The following RABGAP1L variants were observed in gnomAD, a reference collection of about 807,000 sequenced individuals.
The protein encoded by RABGAP1L is rab GTPase-activating protein 1-like.
A neutral mutation model predicts 137.7 loss-of-function variants in RABGAP1L; 63 were observed. The observed-to-expected ratio is 0.46, with a 90% CI of 0.37 to 0.56. The LOEUF is 0.56. Ranked by LOEUF, RABGAP1L falls within the 20% of genes least tolerant of loss-of-function variation. The pLI is 0.00. For synonymous variants in RABGAP1L, 431 were observed against 433.7 expected (o/e 0.99, Z 0.08); for missense variants, 1,095 against 1,244.0 (o/e 0.88, Z 1.80).
chr1:174,484,787 G>C (rs963147645), intron 13 of RABGAP1L, among the ~76,000 whole-genome samples: 1 of 152,114 alleles, frequency 6.6e-6, no homozygotes, highest in African/African-American at 2.4e-5. Context: ...TCAGTAATGT[G>C]ATTCTTCCAG....
intron 9 of RABGAP1L, among the ~76,000 whole-genome samples, chr1:174,278,155 C>T (rs994223285): frequency 4.8e-4 from 73 of 152,292 alleles, no homozygotes; most frequent in African/African-American, 1.7e-3. Context: ...GTAATCCCAG[C>T]ACTTTGGGAG....
At chr1:174,177,566 C>G (rs1165045469) in intron 1 of RABGAP1L, among the ~76,000 whole-genome samples, 1 of 152,144 alleles carries the variant, frequency 6.6e-6, no homozygotes, top group Non-Finnish European at 1.5e-5. Flanking sequence ...ATGCCTATGT[C>G]CTGAATGGCA....
chr1:174,545,460 G>A (rs752637207), intron 13 of RABGAP1L: 3 of 152,396 alleles, frequency 2.0e-5, no homozygotes, highest in Non-Finnish European at 4.4e-5. Flanking sequence ...GAAAAGCGCA[G>A]TATTAGGGTG....
At chr1:174,351,412 C>CTT in intron 11 of RABGAP1L, among the ~76,000 whole-genome samples, 2 of 152,094 alleles carry the variant, frequency 1.3e-5, no homozygotes, top group Non-Finnish European at 2.9e-5. Flanking sequence ...TTTATTTCTG[C>CTT]TTCATGTTGG....
chr1:174,376,090 T>A (rs1315409531), intron 12 of RABGAP1L, among the ~76,000 whole-genome samples: 6 of 133,100 alleles, frequency 4.5e-5, no homozygotes, highest in African/African-American at 1.4e-4. Flanking sequence ...TAAAGTAAAG[T>A]AAAGAAAAGG....
At chr1:174,747,068 G>A (rs1683931713) in intron 17 of RABGAP1L, among the ~76,000 whole-genome samples, 1 of 152,082 alleles carries the variant, frequency 6.6e-6, no homozygotes, top group African/African-American at 2.4e-5. Context: ...TCCTAAAAAT[G>A]GGAGGCATCT....
At chr1:174,754,562 C>T (rs574755941) in intron 18 of RABGAP1L, among the ~76,000 whole-genome samples, 3 of 151,808 alleles carry the variant, frequency 2.0e-5, no homozygotes, top group Admixed American at 6.6e-5. Context: ...AGTATAGTGG[C>T]GTGGTGATAG....
At chr1:174,342,851 T>G (rs1464086528) in intron 11 of RABGAP1L, among the ~76,000 whole-genome samples, 1 of 150,294 alleles carries the variant, frequency 6.7e-6, no homozygotes, top group East Asian at 2.0e-4. Context: ...TGATTCTCCT[T>G]CCTCAGCCTC....
chr1:174,393,634 T>C (rs1016866339), intron 12 of RABGAP1L, among the ~76,000 whole-genome samples: 3 of 152,216 alleles, frequency 2.0e-5, no homozygotes, highest in African/African-American at 7.2e-5. Flanking sequence ...CAGCTTGCTG[T>C]ACATTCATTT....
In RABGAP1L at chr1:174,241,526, A is replaced by G. The variant is rs776198500; in HGVS notation, c.586A>G (p.Ile196Val). The change falls in exon 5 of 26, where the codon ATC becomes GTC. Residue 196 changes from isoleucine (I) to valine (V), a missense_variant. Around this residue, in one of 4 missense-constraint regions of RABGAP1L, gnomAD observed 356 missense variants for 326.3 expected, o/e 1.09. Coordinates refer to ENST00000681986, the MANE Select transcript of RABGAP1L (RefSeq NM_001366446.1). ...CAATGTGGAGATAGCATCTTTTCCA[A>G]TCTATAAGGTGTTATTCTGTGCACG... ...SSNVEIASFP[I>V]YKVLFCARGH... 6.2e-6 allele frequency: 10 copies of G among 1,610,368 alleles called. No individual in the cohort carries two copies. Among genetic ancestry groups the G allele is most frequent in the East Asian group, 2.2e-5 (1 of 44,838 alleles).
At chr1:174,934,935 CTT>C (rs2149270424) in intron 19 of RABGAP1L, 2 of 152,276 alleles carry the variant, frequency 1.3e-5, no homozygotes, top group Admixed American at 1.3e-4. Flanking sequence ...AGTTTTATCT[CTT>C]TTTCTTGAGT....
At chr1:174,169,276 G>C (rs1557997823) in intron 1 of RABGAP1L, among the ~76,000 whole-genome samples, 1 of 151,850 alleles carries the variant, frequency 6.6e-6, no homozygotes, top group Admixed American at 6.6e-5. Context: ...CTGGAGTGCA[G>C]TGGCATGATC....
intron 17 of RABGAP1L, among the ~76,000 whole-genome samples, chr1:174,737,406 T>G (rs1683047551): frequency 6.6e-6 from 1 of 152,220 alleles, no homozygotes; most frequent in Admixed American, 6.5e-5. Context: ...CTCCAGTTCC[T>G]AATAAATTCC....
intron 12 of RABGAP1L, among the ~76,000 whole-genome samples, chr1:174,387,921 A>G (rs1350689186): frequency 6.6e-6 from 1 of 152,098 alleles, no homozygotes; most frequent in Non-Finnish European, 1.5e-5. Context: ...TAATTATGTC[A>G]TGATATGAAA....
chr1:174,351,757 C>A (rs1429181475), intron 11 of RABGAP1L, among the ~76,000 whole-genome samples: 3 of 151,008 alleles, frequency 2.0e-5, no homozygotes, highest in African/African-American at 7.4e-5. Flanking sequence ...ATATTTTTAT[C>A]TTTCTCTACG....
intron 1 of RABGAP1L, among the ~76,000 whole-genome samples, chr1:174,213,865 G>A (rs1669087868): frequency 6.6e-6 from 1 of 152,216 alleles, no homozygotes; most frequent in Non-Finnish European, 1.5e-5. Flanking sequence ...CCATGTATGA[G>A]AGACCCATTG....
At chr1:174,290,288 A>G (rs994829469) in intron 10 of RABGAP1L, among the ~76,000 whole-genome samples, 5 of 152,206 alleles carry the variant, frequency 3.3e-5, no homozygotes, top group Admixed American at 6.5e-5. Context: ...ACAATTCTCA[A>G]TATTCTGTAG....
At chr1:174,162,243 C>T (rs1231593405) in intron 1 of RABGAP1L, among the ~76,000 whole-genome samples, 2 of 152,036 alleles carry the variant, frequency 1.3e-5, no homozygotes, top group African/African-American at 2.4e-5. Context: ...CTCTCCAGTT[C>T]TAAATTTGTG....
intron 13 of RABGAP1L, among the ~76,000 whole-genome samples, chr1:174,590,398 G>C (rs1417010037): frequency 1.1e-5 from 1 of 94,660 alleles, no homozygotes; most frequent in African/African-American, 4.3e-5. Flanking sequence ...TGTGCACATT[G>C]TGCAGGTTAG....
Sources: allele counts gnomAD v4.1 joint callset (sites outside exome capture counted in the v4.1 genomes callset), GRCh38; gene constraint gnomAD v4.1.1; regional missense constraint gnomAD v4.1.1; transcripts MANE v1.5; gene names NCBI Gene and HGNC (gene_info 2026-07-23, HGNC 2026-07-21).